Variants in ADGRG5 observed in about 807,000 individuals in gnomAD.
The protein encoded by ADGRG5 is G protein-coupled receptor 114.
Under a neutral mutation model 53.2 loss-of-function variants are expected in ADGRG5, and 37 were observed. That is an observed-to-expected ratio of 0.70 (90% CI 0.53 to 0.91). The LOEUF (loss-of-function observed/expected upper bound fraction) is 0.91, where lower values mean the gene tolerates loss of function less well. Ranked by LOEUF, ADGRG5 falls within the 40% of genes least tolerant of loss-of-function variation. The probability of loss-of-function intolerance (pLI) is 0.00; values close to 1 mark genes in which losing one functional copy is unlikely to be tolerated. For missense variants in ADGRG5, 614 were observed against 675.8 expected (o/e 0.91, Z 1.01); for synonymous variants, 277 against 290.4 (o/e 0.95, Z 0.47).
the ADGRG5 span, among the ~76,000 whole-genome samples, chr16:57,537,133 C>T: frequency 6.6e-6 from 1 of 152,172 alleles, no homozygotes; most frequent in Non-Finnish European, 1.5e-5. Flanking sequence ...GGAGACTTTT[C>T]TCTGCATTGC....
intron 1 of ADGRG5, among the ~76,000 whole-genome samples, chr16:57,543,980 C>A (rs186310963): frequency 6.6e-6 from 1 of 152,326 alleles, no homozygotes; most frequent in East Asian, 1.9e-4. Flanking sequence ...TGTCACACAG[C>A]CTAGGCACTG....
At chr16:57,539,998 T>A (rs1307137372), upstream of ADGRG5, among the ~76,000 whole-genome samples, 5 of 152,144 alleles carry the variant, frequency 3.3e-5, no homozygotes, top group African/African-American at 1.2e-4. Context: ...CCCAGCACTT[T>A]GGGAGGCAAA....
chr16:57,553,033 A>G (rs2032790368), intron 1 of ADGRG5, among the ~76,000 whole-genome samples: 1 of 152,212 alleles, frequency 6.6e-6, no homozygotes, highest in African/African-American at 2.4e-5. Flanking sequence ...GCCATCTTAT[A>G]TGGGCGCAGT....
chr16:57,562,367 G>T lies in ADGRG5; in HGVS notation c.65-17G>T. The stretch of plus-strand genomic sequence containing the variant: ...GGCAGTTGAGACACAAACTGAGGGG[G>T]AGGTGTGTCCCCACAGAGACATGGG... On this transcript the variant is annotated splice_polypyrimidine_tract_variant and intron_variant, in intron 2 of 11. Transcript: ENST00000349457. 1 of 1,596,332 alleles carries T rather than the reference G, an allele frequency of 6.3e-7. No homozygotes were observed. Among genetic ancestry groups the T allele is most frequent in the African/African-American group, 1.3e-5 (1 of 74,736 alleles).
chr16:57,532,128 CAGTG>C, the ADGRG5 span, among the ~76,000 whole-genome samples: 2 of 152,126 alleles, frequency 1.3e-5, no homozygotes, highest in African/African-American at 4.8e-5. Flanking sequence ...TGAGAGAGAC[CAGTG>C]CTTCTTCATC....
intron 1 of ADGRG5, among the ~76,000 whole-genome samples, chr16:57,548,560 T>G (rs1394842725): frequency 1.3e-5 from 2 of 152,122 alleles, no homozygotes; most frequent in African/African-American, 2.4e-5. Flanking sequence ...ACAGAACTGT[T>G]CCATCGCCAC....
At chr16:57,539,454 C>CCTTTTT (rs35929048), upstream of ADGRG5, among the ~76,000 whole-genome samples, 5 of 141,506 alleles carry the variant, frequency 3.5e-5, no homozygotes, top group Non-Finnish European at 3.0e-5. Flanking sequence ...CACTGTACCC[C>CCTTTTT]TTTTTTTTTT....
chr16:57,564,974 A>C (rs1324507659), intron 5 of ADGRG5, 60 bp from the exon 6 acceptor site: 2 of 964,724 alleles, frequency 2.1e-6, no homozygotes, highest in Non-Finnish European at 3.3e-6. Flanking sequence ...CGGAGCTCAG[A>C]CCTTACCCAG....
chr16:57,573,983 A>G (rs969551272), intron 10 of ADGRG5, among the ~76,000 whole-genome samples: 2 of 152,074 alleles, frequency 1.3e-5, no homozygotes, highest in African/African-American at 4.8e-5. Context: ...CGGCCTCCCA[A>G]AGTGCTGAGA....
rs577368216 is a variant in ADGRG5, at chr16:57,567,478, C to G, written c.708C>G (p.Ser236=). 1.4e-5 allele frequency: 23 copies of G among 1,608,728 alleles called. No individual in the cohort carries two copies. Among genetic ancestry groups the G allele is most frequent in the Admixed American group, 5.0e-5 (3 of 59,982 alleles). The change falls in exon 8 of 12, where the codon TCC becomes TCG. Residue 236 remains serine, a synonymous_variant. Coordinates refer to ENST00000349457, the MANE Select transcript of ADGRG5 (RefSeq NM_001304376.3). Reference sequence around the variant, plus strand: ...CCTCTTCCCTCCTGCAGCAACTCTCCCCAGCCCTGGTCCCTGCAGAGTTGC... The same window carrying G: ...CCTCTTCCCTCCTGCAGCAACTCTCGCCAGCCCTGGTCCCTGCAGAGTTGC... The part of the protein sequence containing the change: ...LTYFAVLMQL[S]PALVPAELLA...
At chr16:57,537,339 A>G in the ADGRG5 span, among the ~76,000 whole-genome samples, 1 of 151,744 alleles carries the variant, frequency 6.6e-6, no homozygotes, top group Admixed American at 6.5e-5. Flanking sequence ...AAGAAGACCA[A>G]CAATTCACCA....
At chr16:57,553,768 G>A (rs534532392) in intron 1 of ADGRG5, among the ~76,000 whole-genome samples, 3 of 152,242 alleles carry the variant, frequency 2.0e-5, no homozygotes, top group South Asian at 4.1e-4. Flanking sequence ...GAGGGGTGTT[G>A]GTCTGTAGTT....
intron 1 of ADGRG5, among the ~76,000 whole-genome samples, chr16:57,549,353 A>G (rs1246840769): frequency 6.6e-6 from 1 of 152,200 alleles, no homozygotes; most frequent in Non-Finnish European, 1.5e-5. Flanking sequence ...CCAATGGTGG[A>G]AAAATGAGAA....
chr16:57,539,450 AC>A (rs767751490), upstream of ADGRG5, among the ~76,000 whole-genome samples: 19 of 77,008 alleles, frequency 2.5e-4, 3 homozygotes, highest in Non-Finnish European at 2.6e-4. Context: ...ATTGCACTGT[AC>A]CCCTTTTTTT....
intron 9 of ADGRG5, among the ~76,000 whole-genome samples, chr16:57,569,119 T>TA: frequency 8.1e-6 from 1 of 123,868 alleles, no homozygotes; most frequent in South Asian, 2.9e-4. Flanking sequence ...CACCACCTTC[T>TA]TCACCACCAT....
chr16:57,542,536 G>A (rs1177081960), upstream of ADGRG5: 6 of 153,076 alleles, frequency 3.9e-5, no homozygotes, highest in Non-Finnish European at 8.7e-5. Flanking sequence ...TGAGAGTGTG[G>A]TGCCTGGGCC....
chr16:57,561,557 C>T (rs2033001012), intron 1 of ADGRG5, among the ~76,000 whole-genome samples: 1 of 152,190 alleles, frequency 6.6e-6, no homozygotes, highest in Non-Finnish European at 1.5e-5. Context: ...TATTCATTCC[C>T]TCTCATTTTA....
chr16:57,564,000 A>G, intron 5 of ADGRG5, 21 bp downstream of exon 5: 2 of 1,604,750 alleles, frequency 1.2e-6, no homozygotes, highest in East Asian at 2.2e-5. Context: ...TGGCGGGCCA[A>G]GGAGGGTGGG....
At chr16:57,542,290 T>C (rs2032502919), upstream of ADGRG5, 1 of 152,242 alleles carries the variant, frequency 6.6e-6, no homozygotes, top group Non-Finnish European at 1.5e-5. Flanking sequence ...TTTCTATAGA[T>C]GGGAAAACTG....
Sources: allele counts gnomAD v4.1 joint callset (sites outside exome capture counted in the v4.1 genomes callset), GRCh38; gene constraint gnomAD v4.1.1; transcripts MANE v1.5; gene names NCBI Gene and HGNC (gene_info 2026-07-23, HGNC 2026-07-21).